The following RAB37 variants were observed in gnomAD, a reference collection of about 807,000 sequenced individuals.
The protein encoded by RAB37 is ras-related protein Rab-37.
RAB37 carries 29 observed loss-of-function variants against 33.1 expected under a neutral mutation model. The ratio of observed to expected loss-of-function variants is 0.88; its 90% CI spans 0.65 to 1.20. RAB37 has a LOEUF of 1.20. RAB37 is among the 50% of genes most tolerant of loss of function. The pLI is 0.00. For synonymous variants in RAB37, 128 were observed against 119.5 expected (o/e 1.07, Z -0.47); for missense variants, 299 against 301.1 (o/e 0.99, Z 0.05).
intron 1 of RAB37, among the ~76,000 whole-genome samples, chr17:74,708,652 T>C (rs530779279): frequency 6.5e-4 from 99 of 152,290 alleles, no homozygotes; most frequent in African/African-American, 2.1e-3. Context: ...CGCGGTGGCT[T>C]ACACCGGTAA....
rs2031703405 is a variant in RAB37, at chr17:74,671,473, C to A, written c.-114C>A. The stretch of plus-strand genomic sequence containing the variant: ...TCCAGTGCTGAAAACGGATGCGGCC[C>A]GGCCCGCAGAGCTCAGACCCAAGCC... On this transcript the variant is annotated 5_prime_UTR_variant, in exon 1 of 8. Coordinates refer to the RAB37 transcript ENST00000340415. The surrounding 1 kb of genome is among the most constrained non-coding windows in gnomAD (Gnocchi z 5.0). 2.1e-6 allele frequency: 2 copies of A among 971,704 alleles called. No individual in the cohort carries two copies. The highest frequency in any genetic ancestry group is 3.1e-6 in the Non-Finnish European group (2 of 636,232). 60.2% of individuals were successfully genotyped at this position (971,704 alleles called of 1,614,324 possible).
upstream of RAB37, chr17:74,736,774 G>A: frequency 6.5e-7 from 1 of 1,535,628 alleles, no homozygotes; most frequent in Non-Finnish European, 8.7e-7. Context: ...AGATGAGCTC[G>A]GGCCGGGTGA....
At chr17:74,681,912 T>C (rs1388485282) in intron 1 of RAB37, among the ~76,000 whole-genome samples, 1 of 152,214 alleles carries the variant, frequency 6.6e-6, no homozygotes, top group Non-Finnish European at 1.5e-5. Context: ...CCTGACCACC[T>C]TCTGCCCTGC....
intron 2 of RAB37, among the ~76,000 whole-genome samples, chr17:74,741,259 A>G (rs1391845906): frequency 6.6e-6 from 1 of 152,060 alleles, no homozygotes. Context: ...GTCTTTCTGG[A>G]GTTCCCAGAA....
At chr17:74,712,188 C>A (rs1172880657) in intron 1 of RAB37, among the ~76,000 whole-genome samples, 1 of 152,140 alleles carries the variant, frequency 6.6e-6, no homozygotes, top group Non-Finnish European at 1.5e-5. Context: ...AGGAATGAGC[C>A]TCTTTCCCTG....
chr17:74,678,393 A>C (rs1338423344), intron 1 of RAB37, among the ~76,000 whole-genome samples: 1 of 152,164 alleles, frequency 6.6e-6, no homozygotes, highest in East Asian at 1.9e-4. Flanking sequence ...ATAACTTGAG[A>C]CGTGCAGGGC....
In RAB37 at chr17:74,681,946, G is replaced by A. The variant is rs544341081; in HGVS notation, c.72+10288G>A. On this transcript the variant is annotated intron_variant, in intron 1 of 7. Coordinates refer to the RAB37 transcript ENST00000340415. Reference sequence around the variant, plus strand: ...GCTCACTGATTTTCTTAGAGTAGGAGGCAGCTCATTAGCAGAGAAAGAGAA... The same window carrying A: ...GCTCACTGATTTTCTTAGAGTAGGAAGCAGCTCATTAGCAGAGAAAGAGAA... 1.5e-4 allele frequency among the ~76,000 whole-genome samples: 23 copies of A among 152,330 alleles called. No individual in the cohort carries two copies. The South Asian group carries it at 3.3e-3, about 22-fold the overall frequency.
At chr17:74,675,052 A>G (rs1319574015) in intron 1 of RAB37, among the ~76,000 whole-genome samples, 1 of 152,254 alleles carries the variant, frequency 6.6e-6, no homozygotes, top group Non-Finnish European at 1.5e-5. Flanking sequence ...GCTATAAAAT[A>G]GGAATGATAA....
intron 1 of RAB37, among the ~76,000 whole-genome samples, chr17:74,697,123 T>C (rs2032560445): frequency 6.6e-6 from 1 of 152,178 alleles, no homozygotes; most frequent in South Asian, 2.1e-4. Context: ...TTTGCATTTT[T>C]AGTAGAGAAG....
chr17:74,737,343 C>T lies in RAB37; in HGVS notation c.71C>T (p.Pro24Leu). ...EAPERSPPCSPSYDLTGKVML... is the reference protein window; with the variant it reads ...EAPERSPPCSLSYDLTGKVML... ...CCCGAGCGCTCCCCGCCCTGCAGTC[C>T]GAGCTACGACCTCACGGGCAAGGTG... The change falls in exon 1 of 9, where the codon CCG becomes CTG. Residue 24 changes from proline (P) to leucine (L), a missense_variant. Coordinates refer to ENST00000392613, the MANE Select transcript of RAB37 (RefSeq NM_001006638.3). 2 of 1,576,812 alleles carry T rather than the reference C, an allele frequency of 1.3e-6. No homozygotes were observed. Among genetic ancestry groups the T allele is most frequent in the Non-Finnish European group, 8.6e-7 (1 of 1,168,840 alleles).
chr17:74,725,668 G>A (rs2034297377), intron 1 of RAB37, among the ~76,000 whole-genome samples: 1 of 151,594 alleles, frequency 6.6e-6, no homozygotes, highest in African/African-American at 2.4e-5. Context: ...CTGTCACCCA[G>A]GCTAGAGTGC....
In RAB37 at chr17:74,738,194, G is replaced by C. The variant is rs1205441992; in HGVS notation, c.93+829G>C. ...CTCTTCCTCTGCAGGGTTGGGGATG[G>C]AGTGAGGGCTGTCCTGGATTCCGCT... is the stretch of plus-strand genomic sequence containing the variant. On this transcript the variant is annotated intron_variant, in intron 1 of 8. Coordinates refer to ENST00000392613, the MANE Select transcript of RAB37 (RefSeq NM_001006638.3). The surrounding 1 kb of genome is among the most constrained non-coding windows in gnomAD (Gnocchi z 5.0). Among the ~76,000 whole-genome samples the C allele has an allele frequency of 1.3e-5, 2 of 152,152 alleles. No individual in the cohort carries two copies. Among genetic ancestry groups the C allele is most frequent in the African/African-American group, 4.8e-5 (2 of 41,420 alleles).
intron 1 of RAB37, among the ~76,000 whole-genome samples, chr17:74,674,553 C>G (rs1019718884): frequency 2.0e-5 from 3 of 152,068 alleles, no homozygotes; most frequent in African/African-American, 7.2e-5. Flanking sequence ...TAACACACTC[C>G]TATAATCTCA....
At position 74,719,583 on chromosome 17, in the gene RAB37, A is replaced by G. The variant is rs191882879; in HGVS notation, c.73-9673A>G. Among the ~76,000 whole-genome samples the G allele has an allele frequency of 2.0e-5, 3 of 152,288 alleles. No individual in the cohort carries two copies. In the East Asian group the frequency reaches 5.8e-4, roughly 29 times the overall value. ...AGTACAGTGGTGCAATTATAGCTCA[A>G]TGCAGCTGTAATTCTGGAAAATCTC... On this transcript the variant is annotated intron_variant, in intron 1 of 7. Coordinates refer to the RAB37 transcript ENST00000340415.
intron 1 of RAB37, among the ~76,000 whole-genome samples, chr17:74,720,284 TA>T (rs2034221735): frequency 1.3e-5 from 2 of 152,094 alleles, no homozygotes; most frequent in Admixed American, 1.3e-4. Flanking sequence ...AGGGGTGTGT[TA>T]CAATTAAGGT....
intron 1 of RAB37, among the ~76,000 whole-genome samples, chr17:74,701,874 C>T (rs1028286336): frequency 2.7e-5 from 4 of 146,642 alleles, no homozygotes; most frequent in Admixed American, 6.8e-5. Flanking sequence ...AAACAATTAG[C>T]TGGGTGTGGT....
At chr17:74,695,275 T>C in intron 1 of RAB37, 3 of 1,612,884 alleles carry the variant, frequency 1.9e-6, no homozygotes, top group Non-Finnish European at 1.7e-6. Flanking sequence ...GGGCTCCAGG[T>C]CAGAGAGGAC....
At chr17:74,702,215 T>G (rs2033116899) in intron 1 of RAB37, among the ~76,000 whole-genome samples, 1 of 150,942 alleles carries the variant, frequency 6.6e-6, no homozygotes. Flanking sequence ...CCAAGGAGAG[T>G]GAAAGGAAGA....
Position 74,744,938 on chromosome 17 carries a change from TTGTC to T in RAB37, c.489+13_489+16del, listed in dbSNP as rs772163717. The T allele has an allele frequency of 6.2e-6, 10 of 1,614,128 alleles. No homozygotes were observed. The highest frequency in any genetic ancestry group is 1.6e-4 in the Middle Eastern group (1 of 6,084). Reference sequence around the variant, plus strand: ...GAGAGACCTTGGCCAGGGTAAGTGATTGTCTGTGGGACAGGGTGAAGGGTGGGGG... The same window carrying T: ...GAGAGACCTTGGCCAGGGTAAGTGATTGTGGGACAGGGTGAAGGGTGGGGG... On this transcript the variant is annotated intron_variant, in intron 7 of 8. Transcript: ENST00000392613. The surrounding 1 kb of genome is among the most constrained non-coding windows in gnomAD (Gnocchi z 4.2).
Sources: gnomAD v4.1 joint callset for allele counts (sites outside exome capture counted in the v4.1 genomes callset) on GRCh38, gnomAD v4.1.1 for gene constraint, Gnocchi (gnomAD v3.1) non-coding constraint, MANE v1.5 for transcripts, NCBI Gene and HGNC (gene_info 2026-07-23, HGNC 2026-07-21) for gene names.